The following ZNF536 variants were observed in gnomAD, a reference collection of about 807,000 sequenced individuals.
The protein encoded by ZNF536 is zinc finger protein 536.
A neutral mutation model predicts 84.5 loss-of-function variants in ZNF536; 13 were observed. The observed-to-expected ratio is 0.15, with a 90% CI of 0.10 to 0.24. ZNF536 has a LOEUF of 0.24. Among genes scored for constraint, ZNF536 ranks in the 10% least tolerant of loss-of-function variants. ZNF536 has a pLI of 1.00. For synonymous variants in ZNF536, 811 were observed against 742.5 expected, an observed-to-expected ratio of 1.09 and a Z score of -1.50; for missense variants, 1,536 against 1,747.5, an observed-to-expected ratio of 0.88 and a Z score of 2.16.
At chr19:30,532,490 GA>G (rs1457738119) in intron 2 of ZNF536, among the ~76,000 whole-genome samples, 2 of 152,158 alleles carry the variant, frequency 1.3e-5, no homozygotes, top group African/African-American at 4.8e-5. Flanking sequence ...CAACATCCAG[GA>G]CACCTTAGTC....
At chr19:30,467,127 T>C (rs184114638) in intron 2 of ZNF536, among the ~76,000 whole-genome samples, 1 of 152,306 alleles carries the variant, frequency 6.6e-6, no homozygotes, top group African/African-American at 2.4e-5. Flanking sequence ...CATGAGCCAC[T>C]GCACCCAGCC....
intron 2 of ZNF536, among the ~76,000 whole-genome samples, chr19:30,331,855 T>C (rs2047222197): frequency 6.6e-6 from 1 of 152,094 alleles, no homozygotes; most frequent in African/African-American, 2.4e-5. Context: ...GACCTTGTCT[T>C]CCCGCTGCCC....
chr19:30,523,504 G>A (rs944651961), intron 2 of ZNF536, among the ~76,000 whole-genome samples: 13 of 152,046 alleles, frequency 8.6e-5, no homozygotes, highest in African/African-American at 2.9e-4. Flanking sequence ...AAACCTCTCC[G>A]CTTATTCTGT....
chr19:30,294,288 C>T (rs1002813597), intron 2 of ZNF536, among the ~76,000 whole-genome samples: 9 of 152,194 alleles, frequency 5.9e-5, no homozygotes, highest in African/African-American at 1.9e-4. Context: ...ATTTTCCCTA[C>T]CCCCAAGTCA....
chr19:30,246,401 CCTT>C (rs1338669414), intron 1 of ZNF536, among the ~76,000 whole-genome samples: 1 of 152,188 alleles, frequency 6.6e-6, no homozygotes, highest in Non-Finnish European at 1.5e-5. Context: ...CTCATAGAAT[CCTT>C]CTGCGGCATC....
chr19:30,475,310 G>A (rs1978721), intron 2 of ZNF536, among the ~76,000 whole-genome samples: 24,630 of 152,008 alleles, frequency 0.16, 2,966 homozygotes, highest in African/African-American at 0.33. Context: ...GTTCCTGTCC[G>A]TGTAACATAG....
At chr19:30,297,329 TG>T (rs1467492139) in intron 2 of ZNF536, among the ~76,000 whole-genome samples, 1 of 152,184 alleles carries the variant, frequency 6.6e-6, no homozygotes, top group Non-Finnish European at 1.5e-5. Flanking sequence ...AAATGGTACG[TG>T]GGGGAAAGTT....
chr19:30,576,816 A>G (rs1303707002), intron 1 of ZNF536, among the ~76,000 whole-genome samples: 1 of 152,178 alleles, frequency 6.6e-6, no homozygotes, highest in African/African-American at 2.4e-5. Context: ...CCGTCTTCCA[A>G]GGGGAACAGT....
intron 1 of ZNF536, chr19:30,710,735 C>G (rs1018795073): frequency 1.7e-4 from 26 of 152,228 alleles, no homozygotes; most frequent in African/African-American, 5.5e-4. Context: ...CAGTGCTGAC[C>G]GGCCACTCTT....
chr19:30,598,981 C>T (rs1011930775), intron 1 of ZNF536, among the ~76,000 whole-genome samples: 9 of 97,444 alleles, frequency 9.2e-5, no homozygotes, highest in African/African-American at 2.6e-4. Context: ...CCTTCCCTCC[C>T]TCCCTTCCTT....
At chr19:30,660,316 T>C (rs1271173425) in intron 1 of ZNF536, among the ~76,000 whole-genome samples, 1 of 152,128 alleles carries the variant, frequency 6.6e-6, no homozygotes, top group African/African-American at 2.4e-5. Flanking sequence ...CCGAGAGACG[T>C]TGTTTGACTA....
At chr19:30,619,307 T>C (rs2048402623) in intron 1 of ZNF536, among the ~76,000 whole-genome samples, 1 of 152,226 alleles carries the variant, frequency 6.6e-6, no homozygotes, top group Non-Finnish European at 1.5e-5. Context: ...TACTAATTTT[T>C]TCTTGCCTCT....
At chr19:30,539,268 A>C (rs1184802140) in intron 3 of ZNF536, among the ~76,000 whole-genome samples, 1 of 152,146 alleles carries the variant, frequency 6.6e-6, no homozygotes, top group African/African-American at 2.4e-5. Flanking sequence ...TTCAAGTCTG[A>C]GCCAGAATGC....
At chr19:30,633,072 C>T (rs1451111918) in intron 1 of ZNF536, among the ~76,000 whole-genome samples, 3 of 152,128 alleles carry the variant, frequency 2.0e-5, no homozygotes, top group African/African-American at 7.2e-5. Flanking sequence ...TTTTTGGAAA[C>T]TCTCAGCATT....
intron 2 of ZNF536, among the ~76,000 whole-genome samples, chr19:30,459,318 T>TTTTCTTTC (rs993168582): frequency 2.0e-5 from 3 of 151,046 alleles, no homozygotes; most frequent in Non-Finnish European, 3.0e-5. Flanking sequence ...TTTCCTTTCC[T>TTTTCTTTC]TTTCTTTCTT....
Position 30,664,203 on chromosome 19 carries a change from TTTCTCTCTCTCTCTCTCTC to T in ZNF536, c.170-46552_170-46534del, listed in dbSNP as rs1160157409. 8.6e-4 allele frequency among the ~76,000 whole-genome samples: 76 copies of T among 88,730 alleles called. 2 individuals are homozygous for T. Among genetic ancestry groups the T allele is most frequent in the Admixed American group, 2.0e-3 (20 of 9,882 alleles). The allele number at this position is 88,730 out of a possible 152,430, so 58.2% of individuals were successfully genotyped here. A position where few individuals can be genotyped will look rare whatever the true frequency, so the allele number is the denominator to read the frequency against. The stretch of plus-strand genomic sequence containing the variant: ...CTATCTAGAGGAATTCTTGCTGAGT[TTTCTCTCTCTCTCTCTCTC>T]TCTCTCTCTCTCTCTCTCTCTCTCT... On this transcript the variant is annotated intron_variant, in intron 1 of 1. Transcript: ENST00000592773.
At chr19:30,349,046 G>A (rs1486772172) in intron 2 of ZNF536, among the ~76,000 whole-genome samples, 1 of 152,194 alleles carries the variant, frequency 6.6e-6, no homozygotes, top group Non-Finnish European at 1.5e-5. Context: ...GAGTGAGGAT[G>A]AAACATACTG....
At chr19:30,428,027 C>G (rs552910762) in intron 1 of ZNF536, among the ~76,000 whole-genome samples, 1 of 152,216 alleles carries the variant, frequency 6.6e-6, no homozygotes, top group Non-Finnish European at 1.5e-5. Flanking sequence ...ATTCCCTGCT[C>G]ACATGCCTTT....
chr19:30,441,332 T>A (rs1443199505), intron 1 of ZNF536, among the ~76,000 whole-genome samples: 2 of 152,218 alleles, frequency 1.3e-5, no homozygotes, highest in South Asian at 4.1e-4. Flanking sequence ...CCCTGTTGGC[T>A]CAGAAGAGGA....
Sources: gnomAD v4.1 joint callset for allele counts (sites outside exome capture counted in the v4.1 genomes callset) on GRCh38, gnomAD v4.1.1 for gene constraint, MANE v1.5 for transcripts, NCBI Gene and HGNC (gene_info 2026-07-23, HGNC 2026-07-21) for gene names.